Variants in TENM2 observed in about 807,000 individuals in gnomAD.
TENM2 encodes teneurin-2.
In TENM2, 52 loss-of-function variants were observed where a neutral mutation model predicts 245.2. The observed-to-expected ratio is 0.21, with a 90% CI of 0.17 to 0.27. The LOEUF (loss-of-function observed/expected upper bound fraction) is 0.27, where lower values mean the gene tolerates loss of function less well. TENM2 is among the 10% of genes least tolerant of loss of function. The pLI is 1.00. For synonymous variants in TENM2, 1,363 were observed against 1,438.9 expected, an observed-to-expected ratio of 0.95 and a Z score of 1.19; for missense variants, 3,046 against 3,666.8, an observed-to-expected ratio of 0.83 and a Z score of 4.37.
rs1210826589 is a variant in TENM2 at position 168,158,797 on chromosome 5, T to TAA, written c.2423-3805_2423-3804dup. Among the ~76,000 whole-genome samples, 5 of 104,576 alleles carry TAA rather than the reference T, an allele frequency of 4.8e-5. No homozygotes were observed. The East Asian group carries it at 1.4e-3, about 30-fold the overall frequency. 68.6% of individuals were successfully genotyped at this position (104,576 alleles called of 152,430 possible). On this transcript the variant is annotated intron_variant, in intron 12 of 28. Transcript: ENST00000518659. ...CAACATGGTGAAACTCCATCTCTAC[T>TAA]AAAAAAAAAATGTGTGTGTGTGTGT...
At chr5:167,392,928 C>G (rs1489867606) in intron 2 of TENM2, among the ~76,000 whole-genome samples, 1 of 152,062 alleles carries the variant, frequency 6.6e-6, no homozygotes, top group Non-Finnish European at 1.5e-5. Flanking sequence ...TCAAGACCAA[C>G]CTGGCCAACA....
chr5:167,355,624 G>A (rs1219852319), intron 1 of TENM2, among the ~76,000 whole-genome samples: 1 of 152,136 alleles, frequency 6.6e-6, no homozygotes, highest in Non-Finnish European at 1.5e-5. Context: ...CAAAACCATT[G>A]TCTCCTTTGA....
chr5:167,717,877 T>C (rs1398339868), intron 2 of TENM2, among the ~76,000 whole-genome samples: 2 of 152,236 alleles, frequency 1.3e-5, no homozygotes, highest in African/African-American at 4.8e-5. Flanking sequence ...AGCAGAACTT[T>C]GTCTAAAATA....
At chr5:167,276,611 C>T in the TENM2 span, among the ~76,000 whole-genome samples, 1 of 151,816 alleles carries the variant, frequency 6.6e-6, no homozygotes, top group Admixed American at 6.6e-5. Context: ...GGATTGGTTC[C>T]GGGATGTCGC....
At chr5:166,988,566 C>G in the TENM2 span, among the ~76,000 whole-genome samples, 10 of 152,162 alleles carry the variant, frequency 6.6e-5, no homozygotes, top group African/African-American at 2.4e-4. Context: ...ATTTTTGATT[C>G]TGTGATCAGG....
At chr5:167,047,097 G>A in the TENM2 span, among the ~76,000 whole-genome samples, 2 of 152,198 alleles carry the variant, frequency 1.3e-5, no homozygotes, top group Non-Finnish European at 2.9e-5. Flanking sequence ...AACTAATGGA[G>A]AAATACTTGT....
At chr5:167,279,517 CCTTCCTTCCTTCCTT>C in the TENM2 span, among the ~76,000 whole-genome samples, 1 of 91,840 alleles carries the variant, frequency 1.1e-5, no homozygotes, top group African/African-American at 5.4e-5. Context: ...TCCTTCCTTT[CCTTCCTTCCTTCCTT>C]CCTTCCTTCC....
chr5:167,257,829 A>G, the TENM2 span, among the ~76,000 whole-genome samples: 2 of 152,164 alleles, frequency 1.3e-5, no homozygotes, highest in Non-Finnish European at 2.9e-5. Flanking sequence ...AAATATGTCA[A>G]GAATGACAAA....
At chr5:167,048,860 T>A in the TENM2 span, among the ~76,000 whole-genome samples, 14 of 152,322 alleles carry the variant, frequency 9.2e-5, no homozygotes, top group East Asian at 2.7e-3. Flanking sequence ...AATTATAAGA[T>A]AGCTATTATT....
At chr5:167,689,426 G>A (rs1757280499) in intron 2 of TENM2, among the ~76,000 whole-genome samples, 1 of 152,182 alleles carries the variant, frequency 6.6e-6, no homozygotes, top group African/African-American at 2.4e-5. Flanking sequence ...ACACAGTAGT[G>A]GATCTGAAGG....
chr5:167,563,327 A>C (rs930943557), intron 2 of TENM2, among the ~76,000 whole-genome samples: 1 of 152,128 alleles, frequency 6.6e-6, no homozygotes, highest in Admixed American at 6.5e-5. Flanking sequence ...CATGGTGGCT[A>C]TTCTGGTGAG....
At chr5:167,723,802 T>A (rs1318642808) in intron 2 of TENM2, among the ~76,000 whole-genome samples, 1 of 152,162 alleles carries the variant, frequency 6.6e-6, no homozygotes, top group Non-Finnish European at 1.5e-5. Context: ...CAAGTAAATA[T>A]CTATTGAATG....
At chr5:168,137,275 G>T (rs534345455) in intron 12 of TENM2, among the ~76,000 whole-genome samples, 1 of 152,314 alleles carries the variant, frequency 6.6e-6, no homozygotes, top group South Asian at 2.1e-4. Flanking sequence ...GCCCAGAAGG[G>T]TCATCTTTCC....
chr5:167,617,209 T>C (rs1341543177), intron 2 of TENM2, among the ~76,000 whole-genome samples: 1 of 152,162 alleles, frequency 6.6e-6, no homozygotes, highest in Admixed American at 6.6e-5. Context: ...TTAAAATGAC[T>C]GTATAGTCAT....
At chr5:167,222,172 G>A in the TENM2 span, among the ~76,000 whole-genome samples, 1 of 152,138 alleles carries the variant, frequency 6.6e-6, no homozygotes, top group Admixed American at 6.5e-5. Flanking sequence ...CCTTAATTTA[G>A]ATTTGTATTT....
At chr5:167,762,473 C>G (rs1762745958) in intron 2 of TENM2, among the ~76,000 whole-genome samples, 1 of 152,178 alleles carries the variant, frequency 6.6e-6, no homozygotes. Context: ...TTATTTTCGT[C>G]TATTTCTCTT....
chr5:167,181,757 G>A, the TENM2 span, among the ~76,000 whole-genome samples: 1 of 152,120 alleles, frequency 6.6e-6, no homozygotes, highest in Non-Finnish European at 1.5e-5. Flanking sequence ...GTAGAGTGAA[G>A]GAGAAGCATG....
At chr5:167,277,189 G>T in the TENM2 span, among the ~76,000 whole-genome samples, 5 of 151,138 alleles carry the variant, frequency 3.3e-5, no homozygotes, top group African/African-American at 1.2e-4. Context: ...CATTGTTTTT[G>T]AAATGGGAGC....
At chr5:167,943,190 C>T (rs1041358961) in intron 3 of TENM2, among the ~76,000 whole-genome samples, 2 of 152,172 alleles carry the variant, frequency 1.3e-5, no homozygotes, top group African/African-American at 4.8e-5. Context: ...TTCTGCTGAG[C>T]TTTGAAGTGA....
Sources: allele counts gnomAD v4.1 joint callset (sites outside exome capture counted in the v4.1 genomes callset), GRCh38; gene constraint gnomAD v4.1.1; transcripts MANE v1.5; gene names NCBI Gene and HGNC (gene_info 2026-07-23, HGNC 2026-07-21).